Variants in THRB observed in about 807,000 individuals in gnomAD.
THRB encodes thyroid hormone receptor beta.
In THRB, 12 loss-of-function variants were observed where a neutral mutation model predicts 47.8. That is an observed-to-expected ratio of 0.25 (90% confidence interval 0.16 to 0.41). THRB has a LOEUF of 0.41. THRB is among the 10% of genes least tolerant of loss of function. The pLI is 1.00. For missense variants in THRB, 348 were observed against 589.2 expected (o/e 0.59, Z 4.24); for synonymous variants, 218 against 212.2 (o/e 1.03, Z -0.24).
At chr3:24,278,726 C>A (rs917762383) in intron 3 of THRB, among the ~76,000 whole-genome samples, 5 of 152,200 alleles carry the variant, frequency 3.3e-5, no homozygotes, top group African/African-American at 7.2e-5. Context: ...TGGGCAAGAA[C>A]CTTGTCTCAA....
intron 5 of THRB, 37 bp downstream of exon 5, chr3:24,190,037 G>C (rs1177717114): frequency 6.2e-7 from 1 of 1,605,754 alleles, no homozygotes; most frequent in African/African-American, 1.3e-5. Flanking sequence ...TTTTCTTGTT[G>C]AAACACATGA....
rs546538914 is a variant in THRB, at chr3:24,457,401, A to C, written c.-261+37251T>G. 2.0e-5 allele frequency among the ~76,000 whole-genome samples: 3 copies of C among 152,328 alleles called. No individual in the cohort carries two copies. The South Asian group carries it at 6.2e-4, about 32-fold the overall frequency. On this transcript the variant is annotated intron_variant, in intron 1 of 10. Coordinates refer to ENST00000646209, the MANE Select transcript of THRB (RefSeq NM_001354712.2). ...AACACTTGGCATTTGATTAGCAGGT[A>C]TAGATGCATAAAAGATGAATGAGAA...
intron 8 of THRB, 115 bp downstream of exon 8, chr3:24,143,385 TC>T (rs1273588441): frequency 1.4e-5 from 15 of 1,049,336 alleles, no homozygotes; most frequent in Non-Finnish European, 2.2e-5. Context: ...AGCTACGGTT[TC>T]CCTATCAGTA....
At chr3:24,480,319 G>T (rs1696175916) in intron 1 of THRB, among the ~76,000 whole-genome samples, 1 of 152,162 alleles carries the variant, frequency 6.6e-6, no homozygotes, top group Admixed American at 6.5e-5. Context: ...CTTAGGAGGG[G>T]CCTCAGGATT....
intron 2 of THRB, among the ~76,000 whole-genome samples, chr3:24,330,188 T>C (rs2149367981): frequency 6.6e-6 from 1 of 152,014 alleles, no homozygotes; most frequent in East Asian, 1.9e-4. Flanking sequence ...GCGCCTGTAG[T>C]CCCAGCTACT....
intron 5 of THRB, among the ~76,000 whole-genome samples, chr3:24,158,841 C>CCTCTCTCTCT (rs10530553): frequency 6.8e-6 from 1 of 147,446 alleles, no homozygotes; most frequent in African/African-American, 2.5e-5. Context: ...GACAGCTCTT[C>CCTCTCTCTCT]CTCTCTCTCT....
At chr3:24,147,790 A>G (rs1021229619) in intron 6 of THRB, among the ~76,000 whole-genome samples, 1 of 152,188 alleles carries the variant, frequency 6.6e-6, no homozygotes, top group African/African-American at 2.4e-5. Flanking sequence ...AATCATGTAA[A>G]GGAGGTGCTC....
At chr3:24,254,342 C>A (rs1457533633) in intron 3 of THRB, among the ~76,000 whole-genome samples, 2 of 149,776 alleles carry the variant, frequency 1.3e-5, no homozygotes, top group East Asian at 3.9e-4. Context: ...TTGCAGTGAG[C>A]CCAGATTGTG....
chr3:24,357,585 T>A (rs987203089), intron 1 of THRB, among the ~76,000 whole-genome samples: 2 of 152,030 alleles, frequency 1.3e-5, no homozygotes, highest in Non-Finnish European at 2.9e-5. Context: ...ATTCTTTTTT[T>A]CATAGAAGAG....
At chr3:24,378,841 T>C (rs74541569) in intron 1 of THRB, among the ~76,000 whole-genome samples, 3,007 of 152,268 alleles carry the variant, frequency 0.02, 88 homozygotes, top group African/African-American at 0.066. Flanking sequence ...TGATAAAGAA[T>C]ATTAGGGAGA....
intron 5 of THRB, among the ~76,000 whole-genome samples, chr3:24,157,790 C>G (rs2038093173): frequency 1.3e-5 from 2 of 152,208 alleles, no homozygotes; most frequent in African/African-American, 4.8e-5. Context: ...CTTGGCCTCC[C>G]AGAGTGTTGG....
intron 1 of THRB, among the ~76,000 whole-genome samples, chr3:24,449,905 C>G (rs2072477001): frequency 6.6e-6 from 1 of 151,716 alleles, no homozygotes; most frequent in South Asian, 2.1e-4. Context: ...GATTTATAAG[C>G]AATAATCATA....
chr3:24,181,924 A>G (rs995871876), intron 5 of THRB, among the ~76,000 whole-genome samples: 28 of 152,332 alleles, frequency 1.8e-4, no homozygotes, highest in Admixed American at 9.2e-4. Context: ...CAGTGGGGCC[A>G]GGTGCGGTGG....
At chr3:24,359,684 G>A (rs2063935943) in intron 1 of THRB, among the ~76,000 whole-genome samples, 2 of 152,018 alleles carry the variant, frequency 1.3e-5, no homozygotes, top group South Asian at 4.2e-4. Context: ...TGGAAACATT[G>A]CCATGATTCA....
At chr3:24,335,461 T>C (rs937452093) in intron 2 of THRB, among the ~76,000 whole-genome samples, 4 of 152,240 alleles carry the variant, frequency 2.6e-5, no homozygotes, top group Non-Finnish European at 5.9e-5. Flanking sequence ...AACTCAAATA[T>C]TTGGCTACAG....
chr3:24,162,844 T>G (rs1320540157), intron 5 of THRB, among the ~76,000 whole-genome samples: 1 of 152,152 alleles, frequency 6.6e-6, no homozygotes, highest in Non-Finnish European at 1.5e-5. Context: ...ATTGTAATTT[T>G]TTTTTACAAG....
chr3:24,130,709 C>T (rs967229179), intron 9 of THRB, among the ~76,000 whole-genome samples: 9 of 152,132 alleles, frequency 5.9e-5, no homozygotes, highest in Non-Finnish European at 1.2e-4. Flanking sequence ...CATACTTTCT[C>T]GAGGGCACTC....
Position 24,190,114 on chromosome 3 carries a change from T to G in THRB, c.243A>C (p.Ser81=), listed in dbSNP as rs770283421. The part of the protein sequence containing the change: ...DHDDVNDQSV[S]SAQTFQTEEK... ...CCTCCGTTTGGAAGGTCTGGGCACT[T>G]GAGACACTCTGGTCGTTCACATCAT... The change falls in exon 5 of 11, where the codon TCA becomes TCC. Residue 81 remains serine (S), a synonymous_variant. Transcript: ENST00000646209. The G allele has an allele frequency of 5.0e-6, 8 of 1,613,964 alleles. No individual in the cohort carries two copies. The African/African-American group carries it at 9.3e-5, about 19-fold the overall frequency.
chr3:24,203,551 C>A (rs1401677922), intron 4 of THRB, among the ~76,000 whole-genome samples: 1 of 152,174 alleles, frequency 6.6e-6, no homozygotes, highest in East Asian at 1.9e-4. Context: ...TGAATAGGAA[C>A]AGCTCCAGTC....
Sources: gnomAD v4.1 joint callset for allele counts (sites outside exome capture counted in the v4.1 genomes callset) on GRCh38, gnomAD v4.1.1 for gene constraint, MANE v1.5 for transcripts, NCBI Gene and HGNC (gene_info 2026-07-23, HGNC 2026-07-21) for gene names.